Variants in SLC22A3 observed in about 807,000 individuals in gnomAD.
SLC22A3 encodes solute carrier family 22 member 3, also known as EMT organic cation transporter 3.
SLC22A3 carries 51 observed loss-of-function variants against 59.1 expected under a neutral mutation model. That is an observed-to-expected ratio of 0.86 (90% CI 0.69 to 1.09). SLC22A3 has a LOEUF of 1.09. SLC22A3 is among the 50% of genes least tolerant of loss of function. The pLI is 0.00. For missense variants in SLC22A3, 711 were observed against 726.3 expected, an observed-to-expected ratio of 0.98 and a Z score of 0.24; for synonymous variants, 325 against 292.0, an observed-to-expected ratio of 1.11 and a Z score of -1.15.
At chr6:160,434,755 G>A (rs1235662582) in intron 5 of SLC22A3, among the ~76,000 whole-genome samples, 1 of 152,012 alleles carries the variant, frequency 6.6e-6, no homozygotes, top group African/African-American at 2.4e-5. Flanking sequence ...CCCTCACTGG[G>A]GTCTTCAAAT....
intron 1 of SLC22A3, among the ~76,000 whole-genome samples, chr6:160,362,480 T>C (rs1308233652): frequency 2.6e-5 from 4 of 152,238 alleles, no homozygotes; most frequent in Non-Finnish European, 5.9e-5. Context: ...TCCTTTTTCC[T>C]TCACCCTTTC....
chr6:160,353,110 T>C (rs900125084), intron 1 of SLC22A3, among the ~76,000 whole-genome samples: 8 of 152,180 alleles, frequency 5.3e-5, no homozygotes, highest in East Asian at 1.9e-4. Context: ...CCCAGCCTAA[T>C]AGTTTATTTT....
rs1486195786 is a variant in SLC22A3, at chr6:160,437,115, T to G, written c.1192T>G (p.Leu398Val). 2.5e-6 allele frequency: 4 copies of G among 1,614,210 alleles called. No individual in the cohort carries two copies. In the Admixed American group the frequency reaches 6.7e-5, roughly 27 times the overall value. ...VVELPGALLI[L>V]LTIERLGRRL... ...GGAACTGCCAGGAGCTCTCTTGATC[T>G]TACTAACCATTGAGCGCCTTGGACG... Residue 398 changes from leucine (L) to valine (V), a missense_variant, in exon 7 of 11, where the codon TTA becomes GTA. By Grantham distance (32) the Leu-to-Val change is conservative (BLOSUM62 1). Transcript: ENST00000275300.
At chr6:160,423,547 T>C (rs1443777709) in intron 5 of SLC22A3, among the ~76,000 whole-genome samples, 2 of 152,242 alleles carry the variant, frequency 1.3e-5, no homozygotes, top group African/African-American at 2.4e-5. Flanking sequence ...TGAGATGGTA[T>C]CTCATTATGG....
At chr6:160,357,230 C>A (rs1027896629) in intron 1 of SLC22A3, among the ~76,000 whole-genome samples, 2 of 152,206 alleles carry the variant, frequency 1.3e-5, no homozygotes, top group Non-Finnish European at 2.9e-5. Flanking sequence ...CATAGGACTG[C>A]TATAGGGCAC....
intron 1 of SLC22A3, among the ~76,000 whole-genome samples, chr6:160,397,350 C>T (rs1786519307): frequency 1.3e-5 from 2 of 151,976 alleles, no homozygotes; most frequent in Admixed American, 6.6e-5. Flanking sequence ...CTGCTCACCT[C>T]CTTCTGTGCG....
chr6:160,375,781 A>G (rs925204153), intron 1 of SLC22A3, among the ~76,000 whole-genome samples: 10 of 151,946 alleles, frequency 6.6e-5, no homozygotes, highest in Non-Finnish European at 1.0e-4. Flanking sequence ...TCAAGAACGC[A>G]TATTTCAGCA....
rs867774689 is a variant in SLC22A3 at position 160,407,303 on chromosome 6, G to T, written c.688+108G>T. On this transcript the variant is annotated intron_variant, in intron 3 of 10. Coordinates refer to ENST00000275300, the MANE Select transcript of SLC22A3 (RefSeq NM_021977.4). ...CCTCATGTGTCCTTTAACAAAGGAG[G>T]TTTCACTGCAGCTACAGTAATTATT... is the stretch of plus-strand genomic sequence containing the variant. 10 of 1,133,018 alleles carry T rather than the reference G, an allele frequency of 8.8e-6. 1 individual carries two copies. In the Middle Eastern group the frequency reaches 1.3e-3, roughly 152 times the overall value. 70.2% of individuals were successfully genotyped at this position (1,133,018 alleles called of 1,614,324 possible).
chr6:160,399,482 C>T (rs1786668126), intron 2 of SLC22A3, among the ~76,000 whole-genome samples: 1 of 152,134 alleles, frequency 6.6e-6, no homozygotes, highest in South Asian at 2.1e-4. Context: ...TGGGGAATTT[C>T]CCCTTCCTAT....
At chr6:160,354,889 C>G (rs1286032596) in intron 1 of SLC22A3, among the ~76,000 whole-genome samples, 2 of 152,138 alleles carry the variant, frequency 1.3e-5, no homozygotes, top group Non-Finnish European at 2.9e-5. Flanking sequence ...TCCCTTGAAG[C>G]TAGAGAGGCC....
intron 5 of SLC22A3, among the ~76,000 whole-genome samples, chr6:160,422,368 A>G (rs573185308): frequency 6.6e-6 from 1 of 152,314 alleles, no homozygotes; most frequent in Non-Finnish European, 1.5e-5. Context: ...CAGGTGCTGG[A>G]TTTTCATGGA....
At chr6:160,405,288 A>T (rs183539769) in intron 2 of SLC22A3, among the ~76,000 whole-genome samples, 1 of 152,176 alleles carries the variant, frequency 6.6e-6, no homozygotes, top group Admixed American at 6.6e-5. Flanking sequence ...ACAGATGATA[A>T]TAAGCATATG....
At chr6:160,381,689 C>T (rs1785802060) in intron 1 of SLC22A3, among the ~76,000 whole-genome samples, 1 of 152,060 alleles carries the variant, frequency 6.6e-6, no homozygotes, top group African/African-American at 2.4e-5. Flanking sequence ...TAATAGAGGC[C>T]TTTTATTAGC....
intron 9 of SLC22A3, among the ~76,000 whole-genome samples, chr6:160,446,293 T>C (rs1017432512): frequency 7.9e-5 from 12 of 152,326 alleles, no homozygotes; most frequent in African/African-American, 2.9e-4. Flanking sequence ...CATGGTCCTA[T>C]GCTGGTGCTG....
intron 1 of SLC22A3, among the ~76,000 whole-genome samples, chr6:160,362,245 A>G (rs894435006): frequency 7.9e-5 from 12 of 152,198 alleles, no homozygotes; most frequent in Admixed American, 7.2e-4. Context: ...TCAATCACCA[A>G]ATTTAGTAGT....
chr6:160,352,115 T>C (rs983610224), intron 1 of SLC22A3, among the ~76,000 whole-genome samples: 26 of 152,210 alleles, frequency 1.7e-4, no homozygotes, highest in Non-Finnish European at 3.5e-4. Flanking sequence ...GTGCTTTCAT[T>C]TGGTGGGAAT....
chr6:160,435,314 C>T (rs1788298381), intron 5 of SLC22A3, among the ~76,000 whole-genome samples: 1 of 152,120 alleles, frequency 6.6e-6, no homozygotes, highest in South Asian at 2.1e-4. Flanking sequence ...ATTTTATGTA[C>T]CACTAAGTAA....
intron 1 of SLC22A3, among the ~76,000 whole-genome samples, chr6:160,389,772 T>C (rs1221050909): frequency 1.3e-5 from 2 of 152,120 alleles, no homozygotes; most frequent in Non-Finnish European, 2.9e-5. Context: ...TAGTGCCAGG[T>C]TTATGGCTGC....
At chr6:160,420,578 AC>A (rs532568631) in intron 5 of SLC22A3, among the ~76,000 whole-genome samples, 264 of 152,290 alleles carry the variant, frequency 1.7e-3, no homozygotes, top group Non-Finnish European at 3.0e-3. Context: ...TATTTACAGA[AC>A]CTAGGACAAC....
Sources: allele counts gnomAD v4.1 joint callset (sites outside exome capture counted in the v4.1 genomes callset), GRCh38; gene constraint gnomAD v4.1.1; transcripts MANE v1.5; gene names NCBI Gene and HGNC (gene_info 2026-07-23, HGNC 2026-07-21).